Variants in SYNE1 observed in about 807,000 individuals in gnomAD.
SYNE1 encodes spectrin repeat containing nuclear envelope protein 1, also known as nesprin-1.
Under a neutral mutation model 1,111.0 loss-of-function variants are expected in SYNE1, and 616 were observed. The ratio of observed to expected loss-of-function variants is 0.55; its 90% confidence interval spans 0.52 to 0.59. The LOEUF is 0.59. Ranked by LOEUF, SYNE1 falls within the 20% of genes least tolerant of loss-of-function variation. The pLI is 0.00. For missense variants in SYNE1, 10,006 were observed against 10,417.0 expected (o/e 0.96, Z 1.72); for synonymous variants, 3,855 against 3,825.8 (o/e 1.01, Z -0.28).
chr6:152,245,028 C>G (rs1490813401), intron 105 of SYNE1, among the ~76,000 whole-genome samples: 1 of 152,268 alleles, frequency 6.6e-6, no homozygotes, highest in South Asian at 2.1e-4. Flanking sequence ...TCTAAGGGAC[C>G]ATGTTCTGCT....
At chr6:152,132,811 C>A (rs574717346) in intron 143 of SYNE1, among the ~76,000 whole-genome samples, 4 of 151,148 alleles carry the variant, frequency 2.6e-5, no homozygotes, top group African/African-American at 9.7e-5. Context: ...AATAATACCA[C>A]AATGGAGTTG....
In SYNE1 at chr6:152,253,813, GTTTGGTTTTTTT is replaced by G. The variant is rs2090001760; in HGVS notation, c.19470+1055_19470+1066del. On this transcript the variant is annotated intron_variant, in intron 104 of 145. Coordinates refer to ENST00000367255, the MANE Select transcript of SYNE1 (RefSeq NM_182961.4). Reference sequence around the variant, plus strand: ...GCTAATGCTACATTTATGTGTAGTGGTTTGGTTTTTTTTTTTTTTTTTTTTTTTTTTTTTTTT... The same window carrying G: ...GCTAATGCTACATTTATGTGTAGTGGTTTTTTTTTTTTTTTTTTTTTTTTT... Among the ~76,000 whole-genome samples the G allele has an allele frequency of 8.4e-4, 28 of 33,236 alleles. 1 individual carries two copies. The highest frequency in any genetic ancestry group is 1.9e-3 in the African/African-American group (20 of 10,456). 21.8% of individuals were successfully genotyped at this position (33,236 alleles called of 152,430 possible).
At chr6:152,303,922 C>T (rs2095288033) in intron 91 of SYNE1, among the ~76,000 whole-genome samples, 1 of 150,750 alleles carries the variant, frequency 6.6e-6, no homozygotes, top group African/African-American at 2.5e-5. Flanking sequence ...CACACACACA[C>T]ACACATTTTG....
chr6:152,418,548 G>A (rs137920550), intron 40 of SYNE1, among the ~76,000 whole-genome samples: 57 of 152,192 alleles, frequency 3.7e-4, no homozygotes, highest in Non-Finnish European at 6.5e-4. Context: ...GATCAATATC[G>A]GAATTTTTGA....
intron 120 of SYNE1, 109 bp from the exon 121 acceptor site, chr6:152,218,512 T>G: frequency 1.1e-5 from 14 of 1,230,380 alleles, no homozygotes; most frequent in Non-Finnish European, 1.6e-5. Flanking sequence ...TTTCATATTC[T>G]TGTATCAAAT....
chr6:152,317,104 T>A (rs931423), intron 86 of SYNE1, 118 bp from the exon 87 acceptor site: 2 of 1,147,566 alleles, frequency 1.7e-6, no homozygotes, highest in Non-Finnish European at 2.5e-6. Flanking sequence ...ATAATACCTA[T>A]GATATTCAAT....
chr6:152,297,312 C>A (rs547011729), intron 93 of SYNE1, among the ~76,000 whole-genome samples: 1 of 152,328 alleles, frequency 6.6e-6, no homozygotes, highest in African/African-American at 2.4e-5. Context: ...AACTGCCTAA[C>A]TGTGCTCCTC....
intron 3 of SYNE1, among the ~76,000 whole-genome samples, chr6:152,623,542 G>T (rs2099679970): frequency 6.6e-6 from 1 of 152,012 alleles, no homozygotes; most frequent in Non-Finnish European, 1.5e-5. Context: ...TTAAACTAAA[G>T]AGCTTCTACA....
chr6:152,227,186 T>A (rs2081785217), intron 115 of SYNE1, among the ~76,000 whole-genome samples: 1 of 152,114 alleles, frequency 6.6e-6, no homozygotes, highest in Admixed American at 6.6e-5. Context: ...GTTCAACTTG[T>A]TAATCTCTCT....
At chr6:152,507,333 T>G (rs2099063063) in intron 8 of SYNE1, among the ~76,000 whole-genome samples, 1 of 152,222 alleles carries the variant, frequency 6.6e-6, no homozygotes, top group Admixed American at 6.5e-5. Flanking sequence ...TTTCTTGAAC[T>G]TATGTATTGT....
At position 152,254,805 on chromosome 6, in the gene SYNE1, T is replaced by C. The variant is rs1016377136; in HGVS notation, c.19470+75A>G. The C allele has an allele frequency of 1.2e-5, 16 of 1,345,056 alleles. No homozygotes were observed. The African/African-American group carries it at 1.6e-4, about 13-fold the overall frequency. The allele number at this position is 1,345,056 out of a possible 1,614,324, so 83.3% of individuals were successfully genotyped here. Reference sequence around the variant, plus strand: ...TTTAGAAAAACAACAACCAGGTCTGTAACACAGACTCGTGACTGACTATTA... The same window carrying C: ...TTTAGAAAAACAACAACCAGGTCTGCAACACAGACTCGTGACTGACTATTA... On this transcript the variant is annotated intron_variant, in intron 104 of 145. Coordinates refer to ENST00000367255, the MANE Select transcript of SYNE1 (RefSeq NM_182961.4).
At position 152,239,694 on chromosome 6, in the gene SYNE1, C is replaced by G. The variant is rs758071853; in HGVS notation, c.19906G>C (p.Gly6636Arg). The change falls in exon 108 of 146, where the codon GGC becomes CGC. Residue 6636 changes from glycine to arginine, a missense_variant. Physicochemically the swap from Gly to Arg is moderately radical, Grantham distance 125. Transcript: ENST00000367255. Reference protein sequence around the residue: ...LLDKHKEYFQGLESHMILTET... With the variant: ...LLDKHKEYFQRLESHMILTET... ...GTCAAGATCATATGAGATTCCAGGCCCTGAAAGTATTCCTGCAATTTTTCA... is the reference window on the plus strand; with the variant it reads ...GTCAAGATCATATGAGATTCCAGGCGCTGAAAGTATTCCTGCAATTTTTCA... 6.2e-7 allele frequency: 1 copy of G among 1,614,094 alleles called. No individual in the cohort carries two copies. Among genetic ancestry groups the G allele is most frequent in the Admixed American group, 1.7e-5 (1 of 60,018 alleles).
chr6:152,599,451 T>C (rs2099590920), intron 3 of SYNE1, among the ~76,000 whole-genome samples: 1 of 152,204 alleles, frequency 6.6e-6, no homozygotes, highest in African/African-American at 2.4e-5. Flanking sequence ...ACTAAAAATG[T>C]CTTTGGTTCC....
intron 3 of SYNE1, chr6:152,546,844 T>C (rs1297868158): frequency 6.6e-6 from 1 of 152,220 alleles, no homozygotes; most frequent in Non-Finnish European, 1.5e-5. Flanking sequence ...TGCATCATAA[T>C]GACATTTGTA....
At chr6:152,625,117 G>A (rs985842607) in intron 3 of SYNE1, among the ~76,000 whole-genome samples, 4 of 152,168 alleles carry the variant, frequency 2.6e-5, no homozygotes, top group Non-Finnish European at 5.9e-5. Flanking sequence ...TTCTGTTTAC[G>A]TTAATGGAAA....
Position 152,453,694 on chromosome 6 carries a change from C to T in SYNE1, c.2919G>A (p.Arg973=). 1 of 1,614,130 alleles carries T rather than the reference C, an allele frequency of 6.2e-7. No homozygotes were observed. The highest frequency in any genetic ancestry group is 8.5e-7 in the Non-Finnish European group (1 of 1,180,026). ...AAGCTTTCAGGAAAGCATTGAGCACCCTCTGATCCAGCTGACTGAAAAACT... is the reference window on the plus strand; with the variant it reads ...AAGCTTTCAGGAAAGCATTGAGCACTCTCTGATCCAGCTGACTGAAAAACT... ...HTEFFSQLDQ[R]VLNAFLKACD... The change falls in exon 25 of 146, where the codon AGG becomes AGA. Residue 973 remains arginine, a synonymous_variant. Transcript: ENST00000367255.
intron 81 of SYNE1, 58 bp downstream of exon 81, chr6:152,325,026 C>A: frequency 3.1e-6 from 5 of 1,595,512 alleles, no homozygotes. Context: ...TACTGTGTTT[C>A]AAAATACATT....
At chr6:152,302,240 TGCGCG>T in intron 91 of SYNE1, 177 bp from the exon 92 acceptor site, 1 of 842,336 alleles carries the variant, frequency 1.2e-6, no homozygotes, top group Non-Finnish European at 1.9e-6. Context: ...GACCGCAGGC[TGCGCG>T]GCGCGGCGCA....
intron 3 of SYNE1, among the ~76,000 whole-genome samples, chr6:152,621,358 A>T (rs1236294259): frequency 2.6e-5 from 4 of 152,280 alleles, no homozygotes; most frequent in African/African-American, 7.2e-5. Context: ...TAATATGTTT[A>T]AAAAAATTCA....
Sources: allele counts gnomAD v4.1 joint callset (sites outside exome capture counted in the v4.1 genomes callset), GRCh38; gene constraint gnomAD v4.1.1; transcripts MANE v1.5; gene names NCBI Gene and HGNC (gene_info 2026-07-23, HGNC 2026-07-21).